Variants in NELL1 observed in about 807,000 individuals in gnomAD.
NELL1 encodes protein kinase C-binding protein NELL1.
A neutral mutation model predicts 107.4 loss-of-function variants in NELL1; 76 were observed. The ratio of observed to expected loss-of-function variants is 0.71; its 90% CI spans 0.59 to 0.86. The LOEUF is 0.86. NELL1 is among the 40% of genes least tolerant of loss of function. NELL1 has a pLI of 0.00. For missense variants in NELL1, 1,024 were observed against 1,005.5 expected (o/e 1.02, Z -0.25); for synonymous variants, 353 against 341.2 (o/e 1.03, Z -0.38).
chr11:20,760,855 C>A (rs190840525), intron 2 of NELL1, among the ~76,000 whole-genome samples: 1 of 152,150 alleles, frequency 6.6e-6, no homozygotes, highest in Admixed American at 6.5e-5. Flanking sequence ...GATTTAAATG[C>A]CACTGCCAGA....
chr11:20,911,117 A>T (rs1487613331), intron 5 of NELL1, among the ~76,000 whole-genome samples: 1 of 152,198 alleles, frequency 6.6e-6, no homozygotes, highest in Non-Finnish European at 1.5e-5. Flanking sequence ...TTCCAGCTTG[A>T]TGAGTGTATG....
At chr11:21,482,724 C>T (rs777995434) in intron 15 of NELL1, among the ~76,000 whole-genome samples, 3 of 148,890 alleles carry the variant, frequency 2.0e-5, no homozygotes, top group Non-Finnish European at 3.0e-5. Context: ...CAATCATGGC[C>T]GTATATGAGA....
intron 12 of NELL1, among the ~76,000 whole-genome samples, chr11:21,015,209 T>C (rs1463461900): frequency 6.6e-6 from 1 of 152,060 alleles, no homozygotes; most frequent in Non-Finnish European, 1.5e-5. Flanking sequence ...TATATTAGTT[T>C]CATACATGAC....
intron 2 of NELL1, among the ~76,000 whole-genome samples, chr11:20,735,743 G>A (rs967181564): frequency 1.3e-5 from 2 of 152,200 alleles, no homozygotes; most frequent in African/African-American, 2.4e-5. Flanking sequence ...AGTATAGCCA[G>A]CTGTTTATGG....
chr11:20,682,754 C>T (rs1430941532), intron 2 of NELL1, among the ~76,000 whole-genome samples: 4 of 152,008 alleles, frequency 2.6e-5, no homozygotes, highest in African/African-American at 4.8e-5. Flanking sequence ...CCTCTCCCAA[C>T]CTCCACTTCT....
intron 15 of NELL1, among the ~76,000 whole-genome samples, chr11:21,500,533 A>G (rs1053601383): frequency 3.9e-5 from 6 of 152,070 alleles, no homozygotes; most frequent in Non-Finnish European, 8.8e-5. Flanking sequence ...CACAATATTT[A>G]TAATCAGTTT....
intron 2 of NELL1, among the ~76,000 whole-genome samples, chr11:20,717,639 C>T (rs149307276): frequency 0.015 from 2,212 of 152,190 alleles, 25 homozygotes; most frequent in Non-Finnish European, 0.027. Flanking sequence ...TCTTACTCAT[C>T]GTCTCTTTTT....
chr11:21,370,646 A>G (rs1851336339), intron 14 of NELL1, among the ~76,000 whole-genome samples: 1 of 152,116 alleles, frequency 6.6e-6, no homozygotes, highest in Admixed American at 6.6e-5. Context: ...AACATTTTAC[A>G]TCTGTTATTT....
intron 13 of NELL1, among the ~76,000 whole-genome samples, chr11:21,203,510 T>G (rs1227969293): frequency 2.6e-5 from 4 of 151,792 alleles, no homozygotes; most frequent in Non-Finnish European, 5.9e-5. Context: ...ATGTGTGTCT[T>G]TGCACATGTG....
chr11:21,307,712 C>A (rs866053168), intron 14 of NELL1, among the ~76,000 whole-genome samples: 51 of 151,922 alleles, frequency 3.4e-4, no homozygotes, highest in African/African-American at 1.2e-3. Context: ...ATAGTAGTGA[C>A]ACATCTCCCT....
At chr11:20,734,328 C>A (rs1404205060) in intron 2 of NELL1, among the ~76,000 whole-genome samples, 9 of 152,052 alleles carry the variant, frequency 5.9e-5, no homozygotes, top group Non-Finnish European at 1.3e-4. Flanking sequence ...GGATTTTGAG[C>A]AGGACAATGA....
chr11:21,316,637 G>C (rs1473068675), intron 14 of NELL1, among the ~76,000 whole-genome samples: 1 of 152,066 alleles, frequency 6.6e-6, no homozygotes, highest in Non-Finnish European at 1.5e-5. Context: ...CTGATCCTGG[G>C]GACTCAACAG....
At chr11:20,675,795 A>T (rs971758239) in intron 1 of NELL1, among the ~76,000 whole-genome samples, 2 of 151,336 alleles carry the variant, frequency 1.3e-5, no homozygotes, top group Non-Finnish European at 2.9e-5. Context: ...TTTTTTTGAT[A>T]CAGAGTTTCA....
At chr11:21,397,933 C>T (rs960214580) in intron 15 of NELL1, among the ~76,000 whole-genome samples, 2 of 151,454 alleles carry the variant, frequency 1.3e-5, no homozygotes, top group Admixed American at 1.3e-4. Flanking sequence ...TCTGCTTGAA[C>T]CTTGATCTTG....
In NELL1 at chr11:21,112,007, T is replaced by G. The variant is rs527733586; in HGVS notation, c.1301-1582T>G. On this transcript the variant is annotated intron_variant, in intron 12 of 19. Transcript: ENST00000357134. ...CATACTACTCTATGACTCCTTCTTT[T>G]AGTTTTCCATCTCTTGGATTCCAGT... Among the ~76,000 whole-genome samples the G allele has an allele frequency of 3.9e-5, 6 of 152,212 alleles. No individual in the cohort carries two copies. The South Asian group carries it at 1.2e-3, about 32-fold the overall frequency.
chr11:21,487,678 A>C lies in NELL1; in HGVS notation c.1646-46696A>C, dbSNP rs79835638. 0.021 allele frequency among the ~76,000 whole-genome samples: 3,228 copies of C among 152,286 alleles called. 297 individuals carry two copies. The East Asian group carries it at 0.29, about 14-fold the overall frequency. On this transcript the variant is annotated intron_variant, in intron 15 of 19. Transcript: ENST00000357134. The stretch of plus-strand genomic sequence containing the variant: ...AATATGACAAAAACCCTGACAGATC[A>C]TTAATAACCTCGAATTTAAATGGAT...
At chr11:20,863,297 G>A (rs181948344) in intron 4 of NELL1, among the ~76,000 whole-genome samples, 3 of 139,506 alleles carry the variant, frequency 2.2e-5, no homozygotes, top group African/African-American at 5.2e-5. Context: ...CCTCCCGGAC[G>A]GGGCAGCTGG....
chr11:21,499,656 C>G lies in NELL1; in HGVS notation c.1646-34718C>G, dbSNP rs76005555. ...GGAAGGCTCTCTGTATTGGTCAACTCTACTATAAAGATAAGAATTCTTCTG... is the reference window on the plus strand; with the variant it reads ...GGAAGGCTCTCTGTATTGGTCAACTGTACTATAAAGATAAGAATTCTTCTG... On this transcript the variant is annotated intron_variant, in intron 15 of 19. Transcript: ENST00000357134. Among the ~76,000 whole-genome samples the G allele has an allele frequency of 0.017, 2,548 of 152,172 alleles. 199 individuals carry two copies. The East Asian group carries it at 0.26, about 16-fold the overall frequency.
chr11:21,408,108 G>A (rs982299296), intron 15 of NELL1, among the ~76,000 whole-genome samples: 2 of 151,930 alleles, frequency 1.3e-5, no homozygotes, highest in Non-Finnish European at 2.9e-5. Flanking sequence ...AGCATGAGTT[G>A]ATCATAGCTC....
Sources: allele counts gnomAD v4.1 joint callset (sites outside exome capture counted in the v4.1 genomes callset), GRCh38; gene constraint gnomAD v4.1.1; transcripts MANE v1.5; gene names NCBI Gene and HGNC (gene_info 2026-07-23, HGNC 2026-07-21).